DAAM1: variants seen among roughly 807,000 people sequenced by gnomAD.
DAAM1 encodes disheveled-associated activator of morphogenesis 1.
In DAAM1, 52 loss-of-function variants were observed where a neutral mutation model predicts 130.0. The observed-to-expected ratio is 0.40, with a 90% CI of 0.32 to 0.50. DAAM1 has a LOEUF of 0.50. DAAM1 is among the 20% of genes least tolerant of loss of function. The pLI, the probability that DAAM1 is intolerant of heterozygous loss-of-function variation, is 0.61. For missense variants in DAAM1, 1,134 were observed against 1,303.8 expected (o/e 0.87, Z 2.01); for synonymous variants, 452 against 444.5 (o/e 1.02, Z -0.21).
At chr14:59,242,611 T>C (rs541221587) in intron 1 of DAAM1, among the ~76,000 whole-genome samples, 1 of 152,128 alleles carries the variant, frequency 6.6e-6, no homozygotes, top group Non-Finnish European at 1.5e-5. Flanking sequence ...CAGGCTGGAG[T>C]GCAGTGGCGT....
chr14:59,314,210 A>G (rs1884698238), intron 3 of DAAM1, among the ~76,000 whole-genome samples: 1 of 152,244 alleles, frequency 6.6e-6, no homozygotes, highest in Non-Finnish European at 1.5e-5. Context: ...AAGAGATGTT[A>G]AAACCTAGTA....
At chr14:59,360,074 A>G (rs1886643615) in intron 21 of DAAM1, among the ~76,000 whole-genome samples, 2 of 152,212 alleles carry the variant, frequency 1.3e-5, no homozygotes, top group South Asian at 2.1e-4. Context: ...AAGTATAATG[A>G]GCAGGCTCAT....
At chr14:59,219,280 G>A (rs529618228) in intron 1 of DAAM1, among the ~76,000 whole-genome samples, 72 of 152,246 alleles carry the variant, frequency 4.7e-4, no homozygotes, top group African/African-American at 1.7e-3. Flanking sequence ...CAGAAACTTT[G>A]TAGGTAAAAT....
rs1469629406 is a variant in DAAM1 at position 59,365,980 on chromosome 14, T to TGGAGATAACCCCTGGAAGAACTAAAAA, written c.2827-1447_2827-1421dup. On this transcript the variant is annotated intron_variant, in intron 23 of 24. Transcript: ENST00000360909. ...ATTGAAAACATACTATCTTGAGTTA[T>TGGAGATAACCCCTGGAAGAACTAAAAA]GGAGATAACCCCTGGAAGAACTAAA... 1.6e-3 allele frequency among the ~76,000 whole-genome samples: 240 copies of TGGAGATAACCCCTGGAAGAACTAAAAA among 152,330 alleles called. 1 individual carries two copies. The highest frequency in any genetic ancestry group is 2.4e-3 in the Non-Finnish European group (164 of 68,008).
At chr14:59,313,978 G>A (rs1884690243) in intron 3 of DAAM1, among the ~76,000 whole-genome samples, 1 of 152,186 alleles carries the variant, frequency 6.6e-6, no homozygotes, top group African/African-American at 2.4e-5. Flanking sequence ...CAGCTTTTAA[G>A]GCACTGTAAG....
chr14:59,294,287 G>A (rs537730239), intron 3 of DAAM1, among the ~76,000 whole-genome samples: 2 of 152,292 alleles, frequency 1.3e-5, no homozygotes, highest in Admixed American at 6.5e-5. Context: ...CTTGAGTCCC[G>A]GCAGCAGCTA....
intron 1 of DAAM1, among the ~76,000 whole-genome samples, chr14:59,207,764 A>G (rs1283108656): frequency 3.9e-5 from 6 of 152,192 alleles, no homozygotes; most frequent in Non-Finnish European, 8.8e-5. Context: ...AAAAAAGTCA[A>G]AGATCATCCC....
At chr14:59,360,755 A>T in intron 21 of DAAM1, 47 bp from the exon 22 acceptor site, 1 of 1,519,454 alleles carries the variant, frequency 6.6e-7, no homozygotes, top group Non-Finnish European at 9.0e-7. Context: ...TATATTTAAT[A>T]TGTGTAAGTC....
intron 3 of DAAM1, among the ~76,000 whole-genome samples, chr14:59,299,368 A>G (rs1884083587): frequency 6.6e-6 from 1 of 152,196 alleles, no homozygotes; most frequent in Admixed American, 6.5e-5. Flanking sequence ...AATGAGATTA[A>G]CTTTATGGGG....
intron 22 of DAAM1, among the ~76,000 whole-genome samples, chr14:59,361,215 C>G (rs1298225144): frequency 1.3e-5 from 2 of 152,178 alleles, no homozygotes; most frequent in South Asian, 4.1e-4. Flanking sequence ...TGTTCACTTT[C>G]GGTAGAGCAG....
intron 17 of DAAM1, among the ~76,000 whole-genome samples, chr14:59,350,514 T>A (rs988276757): frequency 1.3e-5 from 2 of 151,432 alleles, no homozygotes; most frequent in Non-Finnish European, 2.9e-5. Context: ...AGACTCCACA[T>A]CCCCATCTAG....
At chr14:59,198,303 T>G (rs773025405) in intron 1 of DAAM1, among the ~76,000 whole-genome samples, 3 of 151,836 alleles carry the variant, frequency 2.0e-5, no homozygotes, top group Non-Finnish European at 4.4e-5. Context: ...CCTCCTGTGT[T>G]CAAACAATTC....
At chr14:59,208,439 T>A (rs1418491448) in intron 1 of DAAM1, among the ~76,000 whole-genome samples, 2 of 152,186 alleles carry the variant, frequency 1.3e-5, no homozygotes, top group Non-Finnish European at 2.9e-5. Context: ...TCTGAGGCCA[T>A]GGCCGGACTC....
At chr14:59,257,449 A>G (rs1339526471) in intron 1 of DAAM1, among the ~76,000 whole-genome samples, 1 of 151,958 alleles carries the variant, frequency 6.6e-6, no homozygotes, top group East Asian at 1.9e-4. Flanking sequence ...CTGTCCTGGG[A>G]AACTGAAGGC....
chr14:59,191,414 C>T (rs1360734345), intron 1 of DAAM1, among the ~76,000 whole-genome samples: 1 of 151,772 alleles, frequency 6.6e-6, no homozygotes, highest in African/African-American at 2.4e-5. Context: ...GCAGTTTGTT[C>T]ATTTGTAGGT....
chr14:59,363,643 T>G lies in DAAM1; in HGVS notation c.2695-8T>G. Reference sequence around the variant, plus strand: ...CTGCATTGACATTATTCATTTCCTGTGTTTAAGGAGCTGGAATATCAGAAG... The same window carrying G: ...CTGCATTGACATTATTCATTTCCTGGGTTTAAGGAGCTGGAATATCAGAAG... On this transcript the variant is annotated splice_region_variant and splice_polypyrimidine_tract_variant and intron_variant, in intron 22 of 24. Transcript: ENST00000360909. 2 of 1,613,978 alleles carry G rather than the reference T, an allele frequency of 1.2e-6. No individual in the cohort carries two copies. Among genetic ancestry groups the G allele is most frequent in the South Asian group, 2.2e-5 (2 of 91,068 alleles).
At chr14:59,216,661 A>C (rs1001576025) in intron 1 of DAAM1, among the ~76,000 whole-genome samples, 1 of 152,082 alleles carries the variant, frequency 6.6e-6, no homozygotes, top group Non-Finnish European at 1.5e-5. Flanking sequence ...CAGAGGTTGC[A>C]GTGAGCTGAT....
chr14:59,323,391 A>G (rs1287276114), intron 6 of DAAM1, among the ~76,000 whole-genome samples, 166 bp downstream of exon 6: 1 of 152,172 alleles, frequency 6.6e-6, no homozygotes, highest in Non-Finnish European at 1.5e-5. Context: ...AGAACCAGAG[A>G]ATAGAGTATA....
intron 16 of DAAM1, among the ~76,000 whole-genome samples, chr14:59,343,379 G>A (rs1885926945): frequency 6.6e-6 from 1 of 152,216 alleles, no homozygotes; most frequent in Non-Finnish European, 1.5e-5. Context: ...AGAAGCCCTT[G>A]AAGGCTGATT....
Sources: gnomAD v4.1 joint callset for allele counts (sites outside exome capture counted in the v4.1 genomes callset) on GRCh38, gnomAD v4.1.1 for gene constraint, MANE v1.5 for transcripts, NCBI Gene and HGNC (gene_info 2026-07-23, HGNC 2026-07-21) for gene names.